The following MTNR1B variants were observed in gnomAD, a reference collection of about 807,000 sequenced individuals.
MTNR1B encodes the protein melatonin receptor type 1B.
MTNR1B carries 7 observed loss-of-function variants against 7.0 expected under a neutral mutation model. The ratio of observed to expected loss-of-function variants is 1.00; its 90% CI spans 0.57 to 1.88. MTNR1B has a LOEUF of 1.88. Ranked by LOEUF, MTNR1B falls within the 40% of genes most tolerant of loss-of-function variation. The pLI is 0.00. For missense variants in MTNR1B, 478 were observed against 486.5 expected (o/e 0.98, Z 0.16); for synonymous variants, 226 against 208.2 (o/e 1.09, Z -0.74).
At position 92,969,675 on chromosome 11, in the gene MTNR1B, C is replaced by A. The variant is rs777615744; in HGVS notation, c.-51C>A. On this transcript the variant is annotated 5_prime_UTR_variant, in exon 1 of 2. Coordinates refer to ENST00000257068, the MANE Select transcript of MTNR1B (RefSeq NM_005959.5). ...CCGGCTCAGTACTGCGCGCGCCCTG[C>A]GGCTGTCCGGGGCCGCGCGGTGGCC... 21 of 1,382,162 alleles carry A rather than the reference C, an allele frequency of 1.5e-5. No individual in the cohort carries two copies. The highest frequency in any genetic ancestry group is 1.1e-4 in the East Asian group (4 of 35,028). The allele number at this position is 1,382,162 out of a possible 1,614,324, so 85.6% of individuals were successfully genotyped here. A position where few individuals can be genotyped will look rare whatever the true frequency, so the allele number is the denominator to read the frequency against.
intron 1 of MTNR1B, among the ~76,000 whole-genome samples, chr11:92,970,779 C>T (rs1388146786): frequency 1.3e-5 from 2 of 152,120 alleles, no homozygotes; most frequent in East Asian, 3.9e-4. Context: ...AGCTCAGTCA[C>T]CTGTTTGTTA....
At chr11:92,970,395 A>G (rs544359266) in intron 1 of MTNR1B, among the ~76,000 whole-genome samples, 1 of 152,346 alleles carries the variant, frequency 6.6e-6, no homozygotes, top group Admixed American at 6.5e-5. Context: ...TGCTGAAAAA[A>G]TGAGTTAATC....
chr11:92,979,403 C>T (rs1858061635), intron 1 of MTNR1B, among the ~76,000 whole-genome samples: 1 of 152,188 alleles, frequency 6.6e-6, no homozygotes. Context: ...CAAAACCCCT[C>T]CACATCCCAA....
rs151060247 is a variant in MTNR1B, at chr11:92,974,663, G to A, written c.223+4715G>A. On this transcript the variant is annotated intron_variant, in intron 1 of 1. Coordinates refer to ENST00000257068, the MANE Select transcript of MTNR1B (RefSeq NM_005959.5). The stretch of plus-strand genomic sequence containing the variant: ...GTCGCCCAGGCTGGAGTGCAGTAGC[G>A]CAATCTCGGCTCACTGCAAGCTCCG... 1.2e-3 allele frequency among the ~76,000 whole-genome samples: 185 copies of A among 151,372 alleles called. 2 individuals carry two copies. Among genetic ancestry groups the A allele is most frequent in the African/African-American group, 4.2e-3 (175 of 41,304 alleles).
At position 92,982,526 on chromosome 11, in the gene MTNR1B, AAC is replaced by A; in HGVS notation, c.*217_*218del. The stretch of plus-strand genomic sequence containing the variant: ...TGCTCACAGGCCACAGGACCTGGAA[AAC>A]ACTCTTGGTGGTGTCTTGGGGATTT... On this transcript the variant is annotated 3_prime_UTR_variant, in exon 2 of 2. Transcript: ENST00000257068. 1 of 596,058 alleles carries A rather than the reference AAC, an allele frequency of 1.7e-6. No homozygotes were observed. The highest frequency in any genetic ancestry group is 2.9e-6 in the Non-Finnish European group (1 of 343,438). The allele number at this position is 596,058 out of a possible 1,614,324, so 36.9% of individuals were successfully genotyped here.
Position 92,981,747 on chromosome 11 carries a change from A to ACTT in MTNR1B, c.528_530dup (p.Phe177dup). Reference sequence around the variant, plus strand: ...CTCACCGTGGTGGCCTTGCTGCCCAACTTCTTTGTGGGGTCCCTGGAGTAC... The same window carrying ACTT: ...CTCACCGTGGTGGCCTTGCTGCCCAACTTCTTCTTTGTGGGGTCCCTGGAGTAC... On this transcript the variant is annotated inframe_insertion, in exon 2 of 2. Transcript: ENST00000257068. 1.9e-6 allele frequency: 3 copies of ACTT among 1,614,028 alleles called. No homozygotes were observed. Among genetic ancestry groups the ACTT allele is most frequent in the Non-Finnish European group, 8.5e-7 (1 of 1,180,010 alleles).
intron 1 of MTNR1B, among the ~76,000 whole-genome samples, chr11:92,973,835 C>G (rs1428698575): frequency 6.6e-6 from 1 of 152,156 alleles, no homozygotes; most frequent in African/African-American, 2.4e-5. Flanking sequence ...CAGAACACAT[C>G]TCTGATTAAA....
intron 1 of MTNR1B, among the ~76,000 whole-genome samples, chr11:92,970,278 A>G (rs996688345): frequency 6.6e-6 from 1 of 152,222 alleles, no homozygotes; most frequent in Non-Finnish European, 1.5e-5. Flanking sequence ...GTGTCTTTCC[A>G]GAGGTGCCCA....
chr11:92,983,121 G>C (rs1353666274), downstream of MTNR1B, among the ~76,000 whole-genome samples: 4 of 152,100 alleles, frequency 2.6e-5, no homozygotes, highest in African/African-American at 9.7e-5. Flanking sequence ...AGCCTCCCAG[G>C]TTGTTGTGAG....
intron 1 of MTNR1B, among the ~76,000 whole-genome samples, chr11:92,974,824 G>A (rs376378175): frequency 7.9e-5 from 12 of 152,172 alleles, no homozygotes; most frequent in Non-Finnish European, 1.5e-4. Context: ...GGATGGTCTC[G>A]ATCTCCTGAC....
At position 92,982,191 on chromosome 11, in the gene MTNR1B, T is replaced by C; in HGVS notation, c.968T>C (p.Leu323Pro). 1 of 1,614,208 alleles carries C rather than the reference T, an allele frequency of 6.2e-7. No individual in the cohort carries two copies. The highest frequency in any genetic ancestry group is 8.5e-7 in the Non-Finnish European group (1 of 1,180,040). Reference protein sequence around the residue: ...QNFRREYKRILLALWNPRHCI... With the variant: ...QNFRREYKRIPLALWNPRHCI... ...TTCCGCAGGGAATACAAGAGGATCC[T>C]CTTGGCCCTTTGGAACCCACGGCAC... Residue 323 changes from leucine (L) to proline (P), a missense_variant, in exon 2 of 2, where the codon CTC (leucine) becomes CCC (proline). Leu to Pro is a moderately conservative substitution (Grantham distance 98). Transcript: ENST00000257068.
chr11:92,981,834 T>C lies in MTNR1B; in HGVS notation c.611T>C (p.Val204Ala), dbSNP rs991456650. The C allele has an allele frequency of 6.8e-6, 11 of 1,614,088 alleles. No homozygotes were observed. The highest frequency in any genetic ancestry group is 9.3e-6 in the Non-Finnish European group (11 of 1,180,060). ...GCCAGCACCCAGTACACGGCGGCAG[T>C]GGTGGTCATCCACTTCCTCCTCCCT... is the stretch of plus-strand genomic sequence containing the variant. ...QTASTQYTAA[V>A]VVIHFLLPIA... Residue 204 changes from valine to alanine, a missense_variant, in exon 2 of 2, where the codon GTG (valine) becomes GCG (alanine). Physicochemically the swap from Val to Ala is moderately conservative, Grantham distance 64. Coordinates refer to ENST00000257068, the MANE Select transcript of MTNR1B (RefSeq NM_005959.5).
At chr11:92,980,007 C>T (rs1026715724) in intron 1 of MTNR1B, among the ~76,000 whole-genome samples, 2 of 152,280 alleles carry the variant, frequency 1.3e-5, no homozygotes, top group African/African-American at 2.4e-5. Context: ...TTCTGTACCC[C>T]GTGGAATCCA....
chr11:92,981,922 A>G lies in MTNR1B; in HGVS notation c.699A>G (p.Lys233=), dbSNP rs1858114461. The change falls in exon 2 of 2, where the codon AAA becomes AAG. Residue 233 remains lysine (K), a synonymous_variant. Transcript: ENST00000257068. ...IWVLVLQARR[K]AKPESRLCLK... is the part of the protein sequence containing the mutation. ...TGCTGGTGCTTCAGGCCCGCAGGAA[A>G]GCCAAGCCAGAGAGCAGGCTGTGCC... 5.0e-6 allele frequency: 8 copies of G among 1,614,082 alleles called. No individual in the cohort carries two copies. Among genetic ancestry groups the G allele is most frequent in the Non-Finnish European group, 6.8e-6 (8 of 1,180,046 alleles).
At chr11:92,983,521 A>T (rs1313023933), downstream of MTNR1B, among the ~76,000 whole-genome samples, 8 of 108,496 alleles carry the variant, frequency 7.4e-5, no homozygotes, top group Admixed American at 1.7e-4. Flanking sequence ...CCTGTCTCAG[A>T]AAAAAAAAAA....
At chr11:92,971,965 C>A (rs1299661104) in intron 1 of MTNR1B, among the ~76,000 whole-genome samples, 1 of 152,216 alleles carries the variant, frequency 6.6e-6, no homozygotes, top group East Asian at 1.9e-4. Flanking sequence ...TAAATGACAT[C>A]AATTCCTGCC....
rs1475291195 is a variant in MTNR1B, at chr11:92,971,114, T to C, written c.223+1166T>C. On this transcript the variant is annotated intron_variant, in intron 1 of 1. Coordinates refer to ENST00000257068, the MANE Select transcript of MTNR1B (RefSeq NM_005959.5). ...AGCTGGGATTACAGGCGCTCGCCAC[T>C]ACACCCAGGTAATTTTTTATATTTT... 5.1e-4 allele frequency among the ~76,000 whole-genome samples: 78 copies of C among 151,974 alleles called. 1 individual carries two copies. The highest frequency in any genetic ancestry group is 1.9e-3 in the African/African-American group (77 of 41,358).
chr11:92,969,886 A>T lies in MTNR1B; in HGVS notation c.161A>T (p.Asp54Val), dbSNP rs768875717. ...SAVLIVTTAVDVVGNLLVILS... is the reference protein window; with the variant it reads ...SAVLIVTTAVVVVGNLLVILS... ...GTGCTCATCGTCACCACCGCCGTGGACGTCGTGGGCAACCTCCTGGTGATC... is the reference window on the plus strand; with the variant it reads ...GTGCTCATCGTCACCACCGCCGTGGTCGTCGTGGGCAACCTCCTGGTGATC... Residue 54 changes from aspartate (D) to valine (V), a missense_variant, in exon 1 of 2, where the codon GAC becomes GTC. Coordinates refer to ENST00000257068, the MANE Select transcript of MTNR1B (RefSeq NM_005959.5). 1 of 1,612,296 alleles carries T rather than the reference A, an allele frequency of 6.2e-7. No individual in the cohort carries two copies. The highest frequency in any genetic ancestry group is 1.1e-5 in the South Asian group (1 of 90,576).
At position 92,969,743 on chromosome 11, in the gene MTNR1B, C is replaced by T. The variant is rs752937468; in HGVS notation, c.18C>T (p.Ser6=). 6.0e-6 allele frequency: 9 copies of T among 1,490,700 alleles called. No homozygotes were observed. The highest frequency in any genetic ancestry group is 2.1e-5 in the Admixed American group (1 of 48,322). 92.3% of individuals were successfully genotyped at this position (1,490,700 alleles called of 1,614,324 possible). A position where few individuals can be genotyped will look rare whatever the true frequency, so the allele number is the denominator to read the frequency against. MSENG[S]FANCCEAGGW... ...AGTCTGCGATGTCAGAGAACGGCTC[C>T]TTCGCCAACTGCTGCGAGGCGGGCG... Residue 6 remains serine (S), a synonymous_variant, in exon 1 of 2, where the codon TCC becomes TCT. Transcript: ENST00000257068.
Sources: allele counts gnomAD v4.1 joint callset (sites outside exome capture counted in the v4.1 genomes callset), GRCh38; gene constraint gnomAD v4.1.1; transcripts MANE v1.5; gene names NCBI Gene and HGNC (gene_info 2026-07-23, HGNC 2026-07-21).